PSPC1: variants seen among roughly 807,000 people sequenced by gnomAD.
PSPC1 encodes paraspeckle component 1, also known as paraspeckle protein 1.
In PSPC1, 14 loss-of-function variants were observed where a neutral mutation model predicts 51.6. That is an observed-to-expected ratio of 0.27 (90% CI 0.18 to 0.42). PSPC1 has a LOEUF of 0.42. Among genes scored for constraint, PSPC1 ranks in the 10% least tolerant of loss-of-function variants. PSPC1 has a pLI of 1.00. For missense variants in PSPC1, 406 were observed against 701.1 expected (o/e 0.58, Z 4.75); for synonymous variants, 193 against 231.9 (o/e 0.83, Z 1.53).
chr13:19,741,425 G>A (rs1885422421), intron 5 of PSPC1, 140 bp downstream of exon 5: 5 of 572,410 alleles, frequency 8.7e-6, no homozygotes, highest in Non-Finnish European at 1.5e-5. Context: ...ACATTATGAA[G>A]TAATTCACTG....
intron 5 of PSPC1, among the ~76,000 whole-genome samples, chr13:19,734,073 T>TTCTATAATCTATAA (rs1307159695): frequency 6.6e-6 from 1 of 152,070 alleles, no homozygotes; most frequent in Non-Finnish European, 1.5e-5. Flanking sequence ...ACACAGAAGA[T>TTCTATAATCTATAA]TCTATAATCT....
At chr13:19,718,915 A>T (rs1231244236) in intron 6 of PSPC1, among the ~76,000 whole-genome samples, 2 of 152,234 alleles carry the variant, frequency 1.3e-5, no homozygotes, top group Admixed American at 6.5e-5. Flanking sequence ...GACATTCTGG[A>T]AAAAACTAAA....
In PSPC1 at chr13:19,771,230, C is replaced by T. The variant is rs771897375; in HGVS notation, c.674+1012G>A. Among the ~76,000 whole-genome samples the T allele has an allele frequency of 3.3e-5, 5 of 151,966 alleles. No homozygotes were observed. In the South Asian group the frequency reaches 6.2e-4, roughly 19 times the overall value. On this transcript the variant is annotated intron_variant, in intron 2 of 8. Coordinates refer to ENST00000338910, the MANE Select transcript of PSPC1 (RefSeq NM_001354909.2). ...TGGACTCACTGCAACCTCCGCCCCC[C>T]GGGTTCAACCGATTCTGGTGACTCA...
chr13:19,709,916 G>A (rs925449366), intron 6 of PSPC1, among the ~76,000 whole-genome samples: 1 of 151,888 alleles, frequency 6.6e-6, no homozygotes. Context: ...TAGATTCCAA[G>A]CAAAGGAAAA....
Position 19,751,010 on chromosome 13 carries a change from C to A in PSPC1, c.967+261G>T, listed in dbSNP as rs1009260266. On this transcript the variant is annotated intron_variant, in intron 4 of 8. Coordinates refer to ENST00000338910, the MANE Select transcript of PSPC1 (RefSeq NM_001354909.2). ...TCTCGAACTCCCGACCTCAGGTGATCCATCTGCCTTGGCCCCCCAAAGTGC... is the reference window on the plus strand; with the variant it reads ...TCTCGAACTCCCGACCTCAGGTGATACATCTGCCTTGGCCCCCCAAAGTGC... Among the ~76,000 whole-genome samples the A allele has an allele frequency of 7.9e-5, 12 of 151,998 alleles. 1 individual carries two copies. The highest frequency in any genetic ancestry group is 2.2e-4 in the African/African-American group (9 of 41,402).
At chr13:19,768,835 C>G (rs1888327961) in intron 2 of PSPC1, among the ~76,000 whole-genome samples, 2 of 150,722 alleles carry the variant, frequency 1.3e-5, no homozygotes, top group African/African-American at 4.9e-5. Flanking sequence ...ATATCTAAGT[C>G]TAAAAACACC....
intron 5 of PSPC1, among the ~76,000 whole-genome samples, chr13:19,733,967 A>C (rs565193753): frequency 6.6e-6 from 1 of 151,938 alleles, no homozygotes; most frequent in Non-Finnish European, 1.5e-5. Flanking sequence ...ATAAAATAAA[A>C]ATGATTTTTA....
intron 3 of PSPC1, among the ~76,000 whole-genome samples, chr13:19,752,058 A>C (rs945978479): frequency 2.6e-5 from 4 of 152,094 alleles, no homozygotes; most frequent in African/African-American, 9.6e-5. Flanking sequence ...ACTCCGTCCC[A>C]AAAAAAAGAA....
At chr13:19,730,967 A>AAC (rs1424967593) in intron 5 of PSPC1, among the ~76,000 whole-genome samples, 13 of 140,548 alleles carry the variant, frequency 9.2e-5, no homozygotes, top group African/African-American at 2.3e-4. Flanking sequence ...CAAAAAAACA[A>AAC]AAAAAAAAAA....
At chr13:19,729,308 G>A (rs934030132) in intron 6 of PSPC1, among the ~76,000 whole-genome samples, 2 of 152,036 alleles carry the variant, frequency 1.3e-5, no homozygotes, top group African/African-American at 4.8e-5. Flanking sequence ...AGGCTGAGGT[G>A]GGCAGATCAC....
chr13:19,685,258 C>T (rs1593522197), intron 6 of PSPC1, among the ~76,000 whole-genome samples: 2 of 152,174 alleles, frequency 1.3e-5, no homozygotes, highest in Admixed American at 6.5e-5. Flanking sequence ...ACAGCATATC[C>T]GTAAGTGCCA....
intron 8 of PSPC1, among the ~76,000 whole-genome samples, chr13:19,704,665 C>T (rs914169030): frequency 4.2e-5 from 6 of 143,716 alleles, no homozygotes; most frequent in Non-Finnish European, 7.7e-5. Context: ...GCCTAAAGTC[C>T]GATTTATATA....
chr13:19,739,833 A>AAG (rs1885244411), intron 5 of PSPC1, among the ~76,000 whole-genome samples: 1 of 151,934 alleles, frequency 6.6e-6, no homozygotes, highest in African/African-American at 2.4e-5. Context: ...GTTCCTGAGG[A>AAG]AGGCACATTC....
intron 3 of PSPC1, among the ~76,000 whole-genome samples, chr13:19,757,383 C>CA (rs1887190580): frequency 6.6e-6 from 1 of 152,272 alleles, no homozygotes; most frequent in East Asian, 1.9e-4. Context: ...TTAGATAGAG[C>CA]AGGGCGAGAG....
chr13:19,772,477 G>C lies in PSPC1; in HGVS notation c.439C>G (p.Leu147Val), dbSNP rs983979731. 6 of 1,614,068 alleles carry C rather than the reference G, an allele frequency of 3.7e-6. No homozygotes were observed. Among genetic ancestry groups the C allele is most frequent in the Admixed American group, 3.3e-5 (2 of 59,994 alleles). Residue 147 changes from leucine (L) to valine (V), a missense_variant, in exon 2 of 9, where the codon CTA becomes GTA. By Grantham distance (32) the Leu-to-Val change is conservative. Around this residue, in one of 5 missense-constraint regions of PSPC1, gnomAD observed 180 missense variants for 337.9 expected, o/e 0.53. Coordinates refer to ENST00000338910, the MANE Select transcript of PSPC1 (RefSeq NM_001354909.2). ...CCATGTGTAGCGAAGCGAATCCGTA[G>C]AGGTCTGCTCTTGAGAATGGTGCCG... ...LDGTILKSRPLRIRFATHGAA... is the reference protein window; with the variant it reads ...LDGTILKSRPVRIRFATHGAA...
chr13:19,772,645 T>A, intron 1 of PSPC1, 102 bp from the exon 2 acceptor site: 1 of 1,059,916 alleles, frequency 9.4e-7, no homozygotes, highest in Middle Eastern at 3.2e-4. Flanking sequence ...AGCAAATGGC[T>A]GACAGGGTCA....
intron 4 of PSPC1, among the ~76,000 whole-genome samples, chr13:19,746,772 A>T (rs1483367315): frequency 6.6e-6 from 1 of 152,110 alleles, no homozygotes; most frequent in Non-Finnish European, 1.5e-5. Flanking sequence ...GTAAAGTATA[A>T]ATCAAACAAT....
chr13:19,700,685 CCTGAAGA>C (rs2137705223), downstream of PSPC1, among the ~76,000 whole-genome samples: 1 of 152,050 alleles, frequency 6.6e-6, no homozygotes, highest in South Asian at 2.1e-4. Context: ...AACATTAAGT[CCTGAAGA>C]CTTTAAACTC....
At chr13:19,756,378 A>T (rs1887069266) in intron 3 of PSPC1, among the ~76,000 whole-genome samples, 2 of 152,098 alleles carry the variant, frequency 1.3e-5, no homozygotes. Flanking sequence ...GACGCCAAGA[A>T]CTTGGATACT....
Sources: allele counts gnomAD v4.1 joint callset (sites outside exome capture counted in the v4.1 genomes callset), GRCh38; gene constraint gnomAD v4.1.1; regional missense constraint gnomAD v4.1.1; transcripts MANE v1.5; gene names NCBI Gene and HGNC (gene_info 2026-07-23, HGNC 2026-07-21).